Variants in GNG12 observed in about 807,000 individuals in gnomAD.
The protein encoded by GNG12 is G protein subunit gamma 12.
For missense variants in GNG12, 69 were observed against 83.8 expected (o/e 0.82, Z 0.69); for synonymous variants, 28 against 29.7 (o/e 0.94, Z 0.19).
intron 1 of GNG12, among the ~76,000 whole-genome samples, chr1:67,820,087 T>A (rs1313809659): frequency 2.1e-5 from 3 of 145,378 alleles, no homozygotes; most frequent in African/African-American, 2.5e-5. Flanking sequence ...TTTGCTGAAT[T>A]AAAAAAAAAA....
At chr1:67,747,956 TGAG>T (rs1209299406) in intron 2 of GNG12, among the ~76,000 whole-genome samples, 1 of 152,174 alleles carries the variant, frequency 6.6e-6, no homozygotes, top group African/African-American at 2.4e-5. Context: ...CTGCTGGCTA[TGAG>T]GAGAAGGATG....
At chr1:67,753,953 C>T (rs1646553697) in intron 2 of GNG12, among the ~76,000 whole-genome samples, 1 of 152,066 alleles carries the variant, frequency 6.6e-6, no homozygotes, top group Non-Finnish European at 1.5e-5. Flanking sequence ...TAGGCGCTCC[C>T]TTCTCCTCTT....
At chr1:67,728,828 C>T (rs3766263) in intron 2 of GNG12, among the ~76,000 whole-genome samples, 72,301 of 151,962 alleles carry the variant, frequency 0.48, 17,738 homozygotes, top group South Asian at 0.56. Flanking sequence ...CACAGAAACC[C>T]CTCCTTTAGC....
intron 2 of GNG12, among the ~76,000 whole-genome samples, chr1:67,758,652 G>C (rs1428875454): frequency 6.6e-6 from 1 of 152,058 alleles, no homozygotes; most frequent in Non-Finnish European, 1.5e-5. Context: ...AGATGAGGTT[G>C]GATACAACTA....
Position 67,833,417 on chromosome 1 carries a change from C to G in GNG12, c.-150G>C. 1 of 985,424 alleles carries G rather than the reference C, an allele frequency of 1.0e-6. No individual in the cohort carries two copies. Among genetic ancestry groups the G allele is most frequent in the Non-Finnish European group, 1.2e-6 (1 of 830,160 alleles). The allele number at this position is 985,424 out of a possible 1,614,324, so 61.0% of individuals were successfully genotyped here. ...AAGGGCTCCTGGAGACGGCTCCGAC[C>G]TCTCCTCCTCCTCCTCCTCTTGCTC... On this transcript the variant is annotated 5_prime_UTR_variant, in exon 1 of 4. Transcript: ENST00000370982.
chr1:67,734,484 G>A (rs1557599997), intron 2 of GNG12, among the ~76,000 whole-genome samples: 1 of 152,134 alleles, frequency 6.6e-6, no homozygotes, highest in South Asian at 2.1e-4. Context: ...CTATGCAAGA[G>A]TGCTATATTT....
At chr1:67,732,571 G>T (rs1646426189) in intron 2 of GNG12, among the ~76,000 whole-genome samples, 1 of 152,214 alleles carries the variant, frequency 6.6e-6, no homozygotes, top group Admixed American at 6.5e-5. Context: ...GAATCGAGTG[G>T]CAGGTCCCAT....
intron 1 of GNG12, among the ~76,000 whole-genome samples, chr1:67,813,528 G>A (rs1646937831): frequency 6.6e-6 from 1 of 152,202 alleles, no homozygotes; most frequent in Non-Finnish European, 1.5e-5. Context: ...CTCCAGCACA[G>A]AGCTCCTGTC....
chr1:67,808,359 G>GT (rs1291684237), intron 1 of GNG12, among the ~76,000 whole-genome samples: 1 of 152,050 alleles, frequency 6.6e-6, no homozygotes, highest in African/African-American at 2.4e-5. Flanking sequence ...TTAATAGTGA[G>GT]TAACTTGGAG....
intron 1 of GNG12, among the ~76,000 whole-genome samples, chr1:67,801,096 T>G (rs1180704400): frequency 2.6e-5 from 4 of 152,116 alleles, no homozygotes; most frequent in Non-Finnish European, 5.9e-5. Context: ...GAAACTTTCC[T>G]AGAGCAGAAC....
intron 2 of GNG12, among the ~76,000 whole-genome samples, chr1:67,732,006 A>G (rs1646422854): frequency 6.6e-6 from 1 of 152,226 alleles, no homozygotes; most frequent in African/African-American, 2.4e-5. Flanking sequence ...TCCACTTAAA[A>G]TCATTTATGA....
At chr1:67,811,271 G>C (rs748232402) in intron 1 of GNG12, among the ~76,000 whole-genome samples, 1 of 152,134 alleles carries the variant, frequency 6.6e-6, no homozygotes, top group Non-Finnish European at 1.5e-5. Context: ...AACTGGGTAG[G>C]GAGAGCTCGA....
chr1:67,712,518 A>T (rs150760626), intron 2 of GNG12, among the ~76,000 whole-genome samples: 2 of 152,284 alleles, frequency 1.3e-5, no homozygotes, highest in African/African-American at 4.8e-5. Flanking sequence ...AGTAAAAACT[A>T]GTCTCTACAA....
chr1:67,760,948 G>A (rs577121207), intron 2 of GNG12, among the ~76,000 whole-genome samples: 3 of 152,292 alleles, frequency 2.0e-5, no homozygotes, highest in African/African-American at 7.2e-5. Context: ...CTATAATGGG[G>A]GTGCGATTAT....
chr1:67,727,271 A>G (rs951025881), intron 2 of GNG12, among the ~76,000 whole-genome samples: 12 of 152,244 alleles, frequency 7.9e-5, no homozygotes, highest in African/African-American at 2.9e-4. Context: ...GGAGACCAGT[A>G]TTTAGTTGTC....
At chr1:67,752,379 G>T (rs1038057215) in intron 2 of GNG12, among the ~76,000 whole-genome samples, 1 of 152,192 alleles carries the variant, frequency 6.6e-6, no homozygotes, top group South Asian at 2.1e-4. Flanking sequence ...CAGACATTTT[G>T]AAAGTTTACT....
chr1:67,791,021 T>C (rs1309566035), intron 1 of GNG12, among the ~76,000 whole-genome samples: 1 of 152,178 alleles, frequency 6.6e-6, no homozygotes, highest in African/African-American at 2.4e-5. Context: ...GATGTACTTA[T>C]TTATATCTAA....
intron 1 of GNG12, among the ~76,000 whole-genome samples, chr1:67,808,789 T>C (rs1432483702): frequency 1.3e-5 from 2 of 152,268 alleles, no homozygotes; most frequent in East Asian, 1.9e-4. Context: ...TGATGAAATA[T>C]ATCTAAGAAG....
At chr1:67,817,935 T>C (rs1053224445) in intron 1 of GNG12, among the ~76,000 whole-genome samples, 2 of 151,816 alleles carry the variant, frequency 1.3e-5, no homozygotes, top group African/African-American at 4.8e-5. Flanking sequence ...TACAGGCACA[T>C]ACCACTGCAC....
Sources: allele counts gnomAD v4.1 joint callset (sites outside exome capture counted in the v4.1 genomes callset), GRCh38; gene constraint gnomAD v4.1.1; transcripts MANE v1.5; gene names NCBI Gene and HGNC (gene_info 2026-07-23, HGNC 2026-07-21).